The following RUNX1 variants were observed in gnomAD, a reference collection of about 807,000 sequenced individuals.
RUNX1 encodes the protein RUNX family transcription factor 1.
A neutral mutation model predicts 42.8 loss-of-function variants in RUNX1; 19 were observed. The ratio of observed to expected loss-of-function variants is 0.44; its 90% CI spans 0.31 to 0.65. The LOEUF (loss-of-function observed/expected upper bound fraction) is 0.65. RUNX1 is among the 30% of genes least tolerant of loss of function. The pLI is 0.07. For synonymous variants in RUNX1, 271 were observed against 289.4 expected (o/e 0.94, Z 0.64); for missense variants, 528 against 672.0 (o/e 0.79, Z 2.37).
In RUNX1 at chr21:34,792,695, C is replaced by A; in HGVS notation, c.968-85G>T. ...CTTCCCTCTGCCCCAGGGGGCTACCCAGGATGATACCGCCTAGGAGGATGG... is the reference window on the plus strand; with the variant it reads ...CTTCCCTCTGCCCCAGGGGGCTACCAAGGATGATACCGCCTAGGAGGATGG... On this transcript the variant is annotated intron_variant, in intron 8 of 8. Transcript: ENST00000675419. The surrounding 1 kb of genome is among the most constrained non-coding windows in gnomAD (Gnocchi z 6.9). The A allele has an allele frequency of 7.6e-7, 1 of 1,318,680 alleles. No homozygotes were observed. The allele number at this position is 1,318,680 out of a possible 1,614,324, so 81.7% of individuals were successfully genotyped here.
intron 2 of RUNX1, among the ~76,000 whole-genome samples, chr21:34,953,914 A>ACT (rs2058626738): frequency 6.6e-6 from 1 of 152,198 alleles, no homozygotes; most frequent in Non-Finnish European, 1.5e-5. Context: ...GGAACAGAAA[A>ACT]CTCAGTAAGC....
chr21:34,849,425 T>A (rs1368506722), intron 6 of RUNX1, among the ~76,000 whole-genome samples: 2 of 60,616 alleles, frequency 3.3e-5, no homozygotes, highest in East Asian at 1.2e-3. Context: ...TATTATATAG[T>A]ATATATATTA....
At chr21:34,858,304 G>A (rs553140336) in intron 6 of RUNX1, among the ~76,000 whole-genome samples, 1 of 152,304 alleles carries the variant, frequency 6.6e-6, no homozygotes, top group East Asian at 1.9e-4. Flanking sequence ...CCACCATGCA[G>A]GGAAGGTCAT....
chr21:34,869,485 G>C (rs1486386425), intron 5 of RUNX1, among the ~76,000 whole-genome samples: 1 of 152,114 alleles, frequency 6.6e-6, no homozygotes, highest in Non-Finnish European at 1.5e-5. Flanking sequence ...CGAATCAAAG[G>C]AATATTAAAT....
chr21:34,852,586 A>C (rs2057437470), intron 6 of RUNX1, among the ~76,000 whole-genome samples: 1 of 152,262 alleles, frequency 6.6e-6, no homozygotes, highest in African/African-American at 2.4e-5. Flanking sequence ...AGGAATTAAA[A>C]GTACCAGGGG....
chr21:35,047,764 T>C (rs1392199947), intron 2 of RUNX1, among the ~76,000 whole-genome samples: 1 of 152,128 alleles, frequency 6.6e-6, no homozygotes, highest in Non-Finnish European at 1.5e-5. Flanking sequence ...AGAGAGTTTG[T>C]AGCCAGAAAA....
At chr21:34,973,139 T>A (rs573951934) in intron 2 of RUNX1, among the ~76,000 whole-genome samples, 1 of 152,288 alleles carries the variant, frequency 6.6e-6, no homozygotes, top group African/African-American at 2.4e-5. Flanking sequence ...AGAGACTATC[T>A]CATAGTTTTC....
At chr21:34,848,563 T>C (rs2057349677) in intron 6 of RUNX1, among the ~76,000 whole-genome samples, 1 of 152,092 alleles carries the variant, frequency 6.6e-6, no homozygotes, top group African/African-American at 2.4e-5. Flanking sequence ...GCATCCCGAG[T>C]AGCTGGGATT....
At chr21:34,837,613 T>C (rs1223102014) in intron 6 of RUNX1, among the ~76,000 whole-genome samples, 2 of 152,210 alleles carry the variant, frequency 1.3e-5, no homozygotes, top group African/African-American at 2.4e-5. Context: ...GAATGTTAAA[T>C]AGAGGAGTAT....
intron 2 of RUNX1, among the ~76,000 whole-genome samples, chr21:34,997,031 T>A (rs1351786582): frequency 6.6e-6 from 1 of 152,224 alleles, no homozygotes; most frequent in Admixed American, 6.5e-5. Context: ...TTAGCCAAAC[T>A]GAAGAAATTT....
intron 2 of RUNX1, among the ~76,000 whole-genome samples, chr21:34,926,201 G>A (rs904064157): frequency 6.6e-5 from 10 of 151,774 alleles, no homozygotes; most frequent in Admixed American, 1.3e-4. Flanking sequence ...CAGGCTGTGC[G>A]TGGTGGCTCA....
chr21:34,869,598 TGCTGAGTTTATACGTG>T (rs2057709877), intron 5 of RUNX1, among the ~76,000 whole-genome samples: 1 of 152,186 alleles, frequency 6.6e-6, no homozygotes, highest in African/African-American at 2.4e-5. Context: ...GATGAACCAG[TGCTGAGTTTATACGTG>T]GCCAAAAGAG....
At chr21:34,815,883 A>G (rs1601381148) in intron 7 of RUNX1, among the ~76,000 whole-genome samples, 1 of 152,112 alleles carries the variant, frequency 6.6e-6, no homozygotes. Context: ...CAGAGAGGGA[A>G]TGGGAAAGGG....
chr21:35,034,223 C>T (rs1399520400), intron 2 of RUNX1, among the ~76,000 whole-genome samples: 1 of 152,212 alleles, frequency 6.6e-6, no homozygotes, highest in Non-Finnish European at 1.5e-5. Context: ...TAATTGTCTC[C>T]ACTGTGTAGA....
At chr21:34,882,879 G>A (rs1158384384) in intron 4 of RUNX1, among the ~76,000 whole-genome samples, 1 of 151,982 alleles carries the variant, frequency 6.6e-6, no homozygotes, top group Non-Finnish European at 1.5e-5. Flanking sequence ...GGTAACCCAG[G>A]CTTCTCTATT....
rs748720882 is a variant in RUNX1 at position 34,887,051 on chromosome 21, C to T, written c.143G>A (p.Ser48Asn). 1 of 1,600,672 alleles carries T rather than the reference C, an allele frequency of 6.2e-7. No individual in the cohort carries two copies. The highest frequency in any genetic ancestry group is 8.5e-7 in the Non-Finnish European group (1 of 1,179,856). ...CAACGCCTCGCTCATCTTGCCTGGGCTCAGCGCGGTGGAAGGCGGCGTGAA... is the reference window on the plus strand; with the variant it reads ...CAACGCCTCGCTCATCTTGCCTGGGTTCAGCGCGGTGGAAGGCGGCGTGAA... The part of the protein sequence containing the change: ...RRFTPPSTAL[S>N]PGKMSEALPL... The change falls in exon 4 of 9, where the codon AGC (serine) becomes AAC (asparagine). Residue 48 changes from serine to asparagine, a missense_variant. Physicochemically the swap from Ser to Asn is conservative, Grantham distance 46. This residue lies in a region of RUNX1 where 114 missense variants were observed against 115.0 expected (regional missense o/e 0.99). Coordinates refer to ENST00000675419, the MANE Select transcript of RUNX1 (RefSeq NM_001754.5).
intron 2 of RUNX1, among the ~76,000 whole-genome samples, chr21:35,000,993 A>G (rs1005649940): frequency 3.9e-5 from 6 of 152,166 alleles, no homozygotes; most frequent in Non-Finnish European, 2.9e-5. Context: ...TCTTCCTCCC[A>G]TAGTCCTCTA....
At chr21:34,990,064 C>T (rs1365835153) in intron 2 of RUNX1, among the ~76,000 whole-genome samples, 1 of 152,134 alleles carries the variant, frequency 6.6e-6, no homozygotes, top group Non-Finnish European at 1.5e-5. Context: ...ATGACTCTAT[C>T]GTTCATTTTT....
intron 2 of RUNX1, among the ~76,000 whole-genome samples, chr21:34,909,043 C>T (rs1205445787): frequency 6.6e-6 from 1 of 152,044 alleles, no homozygotes; most frequent in Admixed American, 6.5e-5. Flanking sequence ...ATAATTTATG[C>T]CTTTTAGTTT....
Sources: allele counts gnomAD v4.1 joint callset (sites outside exome capture counted in the v4.1 genomes callset), GRCh38; gene constraint gnomAD v4.1.1; regional missense constraint gnomAD v4.1.1; non-coding constraint Gnocchi (gnomAD v3.1); transcripts MANE v1.5; gene names NCBI Gene and HGNC (gene_info 2026-07-23, HGNC 2026-07-21).